The following LINGO2 variants were observed in gnomAD, a reference collection of about 807,000 sequenced individuals.
LINGO2 encodes leucine-rich repeat and immunoglobulin-like domain-containing nogo receptor-interacting protein 2.
In LINGO2, 14 loss-of-function variants were observed where a neutral mutation model predicts 30.6. That is an observed-to-expected ratio of 0.46 (90% CI 0.30 to 0.72). The LOEUF (loss-of-function observed/expected upper bound fraction) is 0.72, where lower values mean the gene tolerates loss of function less well. LINGO2 is among the 30% of genes least tolerant of loss of function. The probability of loss-of-function intolerance (pLI) is 0.07; values close to 1 mark genes in which losing one functional copy is unlikely to be tolerated. For missense variants in LINGO2, 729 were observed against 751.7 expected (o/e 0.97, Z 0.35); for synonymous variants, 317 against 288.5 (o/e 1.10, Z -1.00).
At chr9:29,178,296 T>A in the LINGO2 span, among the ~76,000 whole-genome samples, 1 of 152,104 alleles carries the variant, frequency 6.6e-6, no homozygotes, top group South Asian at 2.1e-4. Flanking sequence ...CCTCAAGTAG[T>A]CTGCCCACCT....
chr9:28,547,668 C>T (rs1337422031), intron 1 of LINGO2, among the ~76,000 whole-genome samples: 1 of 151,910 alleles, frequency 6.6e-6, no homozygotes, highest in African/African-American at 2.4e-5. Flanking sequence ...ACAGTGCTAA[C>T]AAAAGTTCAA....
chr9:28,912,722 G>A, the LINGO2 span, among the ~76,000 whole-genome samples: 2 of 152,114 alleles, frequency 1.3e-5, no homozygotes, highest in East Asian at 3.9e-4. Flanking sequence ...GTCTTGGCTA[G>A]TCTACAAAAC....
the LINGO2 span, among the ~76,000 whole-genome samples, chr9:28,732,778 A>G: frequency 6.6e-6 from 1 of 152,204 alleles, no homozygotes; most frequent in African/African-American, 2.4e-5. Context: ...CCACTCCTCT[A>G]TAAATATCAA....
At chr9:28,388,971 CT>C (rs1221452720) in intron 2 of LINGO2, among the ~76,000 whole-genome samples, 1 of 151,732 alleles carries the variant, frequency 6.6e-6, no homozygotes, top group East Asian at 1.9e-4. Context: ...TGAGAACCTA[CT>C]TGTGGTTACT....
At chr9:28,650,992 C>T (rs1323896828) in intron 1 of LINGO2, among the ~76,000 whole-genome samples, 2 of 151,876 alleles carry the variant, frequency 1.3e-5, no homozygotes, top group Admixed American at 6.6e-5. Flanking sequence ...AGATCGAGAC[C>T]ATCCTGGCTA....
intron 3 of LINGO2, among the ~76,000 whole-genome samples, chr9:28,305,365 T>C (rs976280500): frequency 2.6e-5 from 4 of 152,018 alleles, no homozygotes; most frequent in African/African-American, 9.7e-5. Context: ...GTGGAGGTTC[T>C]ATCCAGTTCA....
the LINGO2 span, among the ~76,000 whole-genome samples, chr9:28,720,682 T>C: frequency 6.6e-6 from 1 of 152,066 alleles, no homozygotes; most frequent in Non-Finnish European, 1.5e-5. Flanking sequence ...ACCTAACTCT[T>C]AAAGAATAAA....
chr9:29,168,339 A>G, the LINGO2 span, among the ~76,000 whole-genome samples: 4 of 152,098 alleles, frequency 2.6e-5, no homozygotes, highest in Non-Finnish European at 5.9e-5. Context: ...CCTATTTGTT[A>G]GCCATTGTCT....
At chr9:28,184,950 C>T (rs146428026) in intron 4 of LINGO2, among the ~76,000 whole-genome samples, 2 of 151,944 alleles carry the variant, frequency 1.3e-5, no homozygotes, top group East Asian at 3.9e-4. Flanking sequence ...AAACAAAACA[C>T]AACAAAACAA....
chr9:27,994,656 G>A (rs1019637219), intron 5 of LINGO2, among the ~76,000 whole-genome samples: 4 of 152,178 alleles, frequency 2.6e-5, no homozygotes, highest in Admixed American at 6.6e-5. Flanking sequence ...GGGCAATGAA[G>A]AAATTCCTAA....
intron 4 of LINGO2, among the ~76,000 whole-genome samples, chr9:28,020,927 ATTATTT>A (rs1461602697): frequency 1.3e-5 from 2 of 152,068 alleles, no homozygotes; most frequent in African/African-American, 4.8e-5. Context: ...TTTCCTTATT[ATTATTT>A]TTGGCTAGCC....
At chr9:28,065,483 C>T (rs1825286144) in intron 4 of LINGO2, among the ~76,000 whole-genome samples, 1 of 152,086 alleles carries the variant, frequency 6.6e-6, no homozygotes, top group South Asian at 2.1e-4. Flanking sequence ...CAGTGATTTA[C>T]ATTTGATAAA....
chr9:28,135,005 C>T (rs1274944556), intron 4 of LINGO2, among the ~76,000 whole-genome samples: 1 of 152,224 alleles, frequency 6.6e-6, no homozygotes, highest in Non-Finnish European at 1.5e-5. Context: ...CATAGGCCCA[C>T]ACCAGGAACC....
chr9:28,699,908 C>T, the LINGO2 span, among the ~76,000 whole-genome samples: 1 of 151,896 alleles, frequency 6.6e-6, no homozygotes, highest in African/African-American at 2.4e-5. Flanking sequence ...GTTATCTGCT[C>T]TTGAACTCTG....
intron 1 of LINGO2, among the ~76,000 whole-genome samples, chr9:28,647,465 G>A (rs545114558): frequency 2.6e-5 from 4 of 152,090 alleles, no homozygotes; most frequent in Admixed American, 1.3e-4. Flanking sequence ...GATTTAGAAT[G>A]TTTTCTGTCT....
intron 5 of LINGO2, among the ~76,000 whole-genome samples, chr9:27,992,975 C>G (rs1444457176): frequency 6.6e-6 from 1 of 152,066 alleles, no homozygotes; most frequent in Non-Finnish European, 1.5e-5. Context: ...CTATTTTTTC[C>G]TTATATTAAC....
At chr9:28,191,424 T>G (rs1819819202) in intron 4 of LINGO2, among the ~76,000 whole-genome samples, 1 of 152,164 alleles carries the variant, frequency 6.6e-6, no homozygotes, top group South Asian at 2.1e-4. Flanking sequence ...TGTGATTTCA[T>G]TTTCTAACCA....
At chr9:28,565,687 GA>G (rs1452850958) in intron 1 of LINGO2, among the ~76,000 whole-genome samples, 1 of 151,292 alleles carries the variant, frequency 6.6e-6, no homozygotes, top group Non-Finnish European at 1.5e-5. Context: ...GAGTAGCTGG[GA>G]CTACAGGCGC....
chr9:28,883,626 G>GTGTGTGTATGTATA, the LINGO2 span, among the ~76,000 whole-genome samples: 2 of 25,638 alleles, frequency 7.8e-5, no homozygotes, highest in Non-Finnish European at 1.9e-4. Flanking sequence ...ATATGTGTGT[G>GTGTGTGTATGTATA]TGTATATATA....
Sources: allele counts gnomAD v4.1 joint callset (sites outside exome capture counted in the v4.1 genomes callset), GRCh38; gene constraint gnomAD v4.1.1; transcripts MANE v1.5; gene names NCBI Gene and HGNC (gene_info 2026-07-23, HGNC 2026-07-21).